Variants in DTNA observed in about 807,000 individuals in gnomAD.
DTNA encodes dystrobrevin alpha.
DTNA carries 43 observed loss-of-function variants against 100.7 expected under a neutral mutation model. That is an observed-to-expected ratio of 0.43 (90% confidence interval 0.33 to 0.55). DTNA has a LOEUF of 0.55. Among genes scored for constraint, DTNA ranks in the 20% least tolerant of loss-of-function variants. DTNA has a pLI of 0.04. For synonymous variants in DTNA, 349 were observed against 347.9 expected, an observed-to-expected ratio of 1.00 and a Z score of -0.04; for missense variants, 798 against 953.9, an observed-to-expected ratio of 0.84 and a Z score of 2.15.
intron 1 of DTNA, among the ~76,000 whole-genome samples, chr18:34,739,028 G>C (rs913321785): frequency 6.6e-6 from 1 of 152,080 alleles, no homozygotes; most frequent in Middle Eastern, 3.2e-3. Flanking sequence ...ACTGAACATA[G>C]TACCCAAGAG....
intron 3 of DTNA, among the ~76,000 whole-genome samples, chr18:34,771,355 G>T (rs376026215): frequency 1.3e-5 from 2 of 151,842 alleles, no homozygotes. Flanking sequence ...AATAATTAGC[G>T]GGGCGTGGTG....
chr18:34,796,680 AAAAT>A (rs1163987952), intron 4 of DTNA, among the ~76,000 whole-genome samples: 3 of 152,214 alleles, frequency 2.0e-5, no homozygotes, highest in African/African-American at 7.2e-5. Flanking sequence ...AGAGTTGCTA[AAAAT>A]AAATAAATAA....
intron 1 of DTNA, among the ~76,000 whole-genome samples, chr18:34,559,649 C>T (rs912525416): frequency 8.5e-5 from 13 of 152,154 alleles, no homozygotes; most frequent in African/African-American, 2.9e-4. Flanking sequence ...TTTAAATCTA[C>T]TGTTGGCCAT....
chr18:34,634,715 C>G (rs1386572179), intron 1 of DTNA, among the ~76,000 whole-genome samples: 1 of 151,954 alleles, frequency 6.6e-6, no homozygotes, highest in Non-Finnish European at 1.5e-5. Context: ...ATTTAATTAA[C>G]AAATATAAAT....
intron 1 of DTNA, among the ~76,000 whole-genome samples, chr18:34,512,998 T>C: frequency 6.6e-6 from 1 of 152,114 alleles, no homozygotes; most frequent in South Asian, 2.1e-4. Context: ...TGAAGTTTGG[T>C]TGCATGAATC....
intron 1 of DTNA, among the ~76,000 whole-genome samples, chr18:34,573,658 C>T (rs958262174): frequency 6.6e-6 from 1 of 152,134 alleles, no homozygotes; most frequent in Non-Finnish European, 1.5e-5. Context: ...ATGGCTCAAT[C>T]GAGGTAATTA....
At chr18:34,605,779 C>T (rs1186483330) in intron 1 of DTNA, among the ~76,000 whole-genome samples, 5 of 151,990 alleles carry the variant, frequency 3.3e-5, no homozygotes, top group Admixed American at 1.3e-4. Context: ...CTTTCTTTAC[C>T]TTGAGTGGTT....
In DTNA at chr18:34,889,787, G is replaced by C; in HGVS notation, c.*2053G>C. On this transcript the variant is annotated 3_prime_UTR_variant, in exon 23 of 23. Transcript: ENST00000444659. ...GAACTCACCTGACAAATGTCTCTGA[G>C]CACAGGCTGACACCAAAGTGGCACA... 2.0e-6 allele frequency: 2 copies of C among 987,092 alleles called. No homozygotes were observed. The highest frequency in any genetic ancestry group is 2.4e-6 in the Non-Finnish European group (2 of 830,836). 61.1% of individuals were successfully genotyped at this position (987,092 alleles called of 1,614,324 possible).
At chr18:34,693,283 T>C (rs2080041239) in intron 1 of DTNA, among the ~76,000 whole-genome samples, 1 of 152,188 alleles carries the variant, frequency 6.6e-6, no homozygotes, top group East Asian at 1.9e-4. Flanking sequence ...ATCCTAATTA[T>C]ATTTGCCATA....
intron 1 of DTNA, among the ~76,000 whole-genome samples, chr18:34,684,262 T>C (rs535676384): frequency 5.3e-5 from 8 of 152,214 alleles, no homozygotes; most frequent in South Asian, 4.1e-4. Context: ...ACCCGTCATC[T>C]ACATTAGGTA....
chr18:34,873,097 A>T (rs1011537528), intron 17 of DTNA, among the ~76,000 whole-genome samples: 4 of 152,254 alleles, frequency 2.6e-5, no homozygotes, highest in African/African-American at 9.6e-5. Flanking sequence ...GCAAATTGCT[A>T]TTCAAATATA....
At chr18:34,600,188 GA>G (rs67704963) in intron 1 of DTNA, among the ~76,000 whole-genome samples, 11,854 of 151,786 alleles carry the variant, frequency 0.078, 580 homozygotes, top group African/African-American at 0.12. Context: ...AATAAATTCT[GA>G]AAAAAAGTTA....
intron 1 of DTNA, among the ~76,000 whole-genome samples, chr18:34,556,448 G>A (rs1216788877): frequency 2.0e-5 from 3 of 150,608 alleles, no homozygotes; most frequent in African/African-American, 4.9e-5. Flanking sequence ...GTTAGTTGAT[G>A]CAGTTTCTTC....
chr18:34,736,220 G>T (rs1332147362), intron 1 of DTNA, among the ~76,000 whole-genome samples: 1 of 152,146 alleles, frequency 6.6e-6, no homozygotes, highest in African/African-American at 2.4e-5. Context: ...ATTAAACTCT[G>T]AAATGTTACT....
rs2095586451 is a variant in DTNA, at chr18:34,815,901, T to C, written c.604-8T>C. 1.2e-6 allele frequency: 2 copies of C among 1,612,770 alleles called. No homozygotes were observed. The highest frequency in any genetic ancestry group is 1.7e-6 in the Non-Finnish European group (2 of 1,178,846). ...TGTCCTAAATTTATGGGGGGTTTTT[T>C]TATGCAGAAAAAAGTCACGTTAAAT... On this transcript the variant is annotated splice_polypyrimidine_tract_variant and splice_region_variant and intron_variant, in intron 6 of 22. Transcript: ENST00000444659.
At chr18:34,836,236 T>C (rs2096140943) in intron 11 of DTNA, among the ~76,000 whole-genome samples, 1 of 152,158 alleles carries the variant, frequency 6.6e-6, no homozygotes, top group South Asian at 2.1e-4. Context: ...TGAAGGTGGT[T>C]ATTTGGCCCT....
At chr18:34,787,762 C>A (rs1445052931) in intron 3 of DTNA, among the ~76,000 whole-genome samples, 1 of 152,172 alleles carries the variant, frequency 6.6e-6, no homozygotes, top group Non-Finnish European at 1.5e-5. Flanking sequence ...AACACCCGAA[C>A]CTAGCCCTTT....
At chr18:34,534,453 A>G (rs2043472932) in intron 1 of DTNA, among the ~76,000 whole-genome samples, 1 of 152,046 alleles carries the variant, frequency 6.6e-6, no homozygotes, top group African/African-American at 2.4e-5. Flanking sequence ...TCCCATGCAG[A>G]CAGACAGGGC....
At chr18:34,778,829 T>TTGC (rs2094183784) in intron 3 of DTNA, among the ~76,000 whole-genome samples, 1 of 152,058 alleles carries the variant, frequency 6.6e-6, no homozygotes, top group Non-Finnish European at 1.5e-5. Flanking sequence ...GTTGTTGTTG[T>TTGC]TGTTTTGAGA....
Sources: allele counts gnomAD v4.1 joint callset (sites outside exome capture counted in the v4.1 genomes callset), GRCh38; gene constraint gnomAD v4.1.1; transcripts MANE v1.5; gene names NCBI Gene and HGNC (gene_info 2026-07-23, HGNC 2026-07-21).